The following ZSWIM6 variants were observed in gnomAD, a reference collection of about 807,000 sequenced individuals.
The protein encoded by ZSWIM6 is zinc finger SWIM domain-containing protein 6.
A neutral mutation model predicts 113.2 loss-of-function variants in ZSWIM6; 9 were observed. The observed-to-expected ratio is 0.08, with a 90% confidence interval of 0.05 to 0.14. The LOEUF (loss-of-function observed/expected upper bound fraction) is 0.14. Among genes scored for constraint, ZSWIM6 ranks in the 10% least tolerant of loss-of-function variants. The probability of loss-of-function intolerance (pLI) is 1.00; values close to 1 mark genes in which losing one functional copy is unlikely to be tolerated. For missense variants in ZSWIM6, 1,162 were observed against 1,552.2 expected, an observed-to-expected ratio of 0.75 and a Z score of 4.22; for synonymous variants, 611 against 606.5, an observed-to-expected ratio of 1.01 and a Z score of -0.11.
intron 4 of ZSWIM6, among the ~76,000 whole-genome samples, chr5:61,519,536 G>T (rs1011417714): frequency 3.3e-5 from 5 of 151,744 alleles, no homozygotes; most frequent in Non-Finnish European, 4.4e-5. Flanking sequence ...GAATCCTCAG[G>T]TTATTAGTTT....
intron 1 of ZSWIM6, among the ~76,000 whole-genome samples, chr5:61,461,146 T>C (rs913273371): frequency 1.5e-4 from 23 of 152,196 alleles, no homozygotes; most frequent in African/African-American, 5.1e-4. Context: ...GCTATTGTCA[T>C]ATTTATCCTT....
intron 10 of ZSWIM6, among the ~76,000 whole-genome samples, chr5:61,537,860 C>A (rs994757644): frequency 5.9e-5 from 9 of 152,236 alleles, no homozygotes; most frequent in African/African-American, 2.2e-4. Context: ...GCTTTAGGTA[C>A]TCTACTAAGC....
At chr5:61,385,198 G>T (rs564724140) in intron 1 of ZSWIM6, among the ~76,000 whole-genome samples, 1 of 152,160 alleles carries the variant, frequency 6.6e-6, no homozygotes, top group Non-Finnish European at 1.5e-5. Flanking sequence ...CACAAATACT[G>T]GTTAATGGTG....
At chr5:61,491,058 C>A in intron 3 of ZSWIM6, 124 bp downstream of exon 3, 1 of 856,222 alleles carries the variant, frequency 1.2e-6, no homozygotes, top group Non-Finnish European at 1.6e-6. Flanking sequence ...CTTAGCTGAC[C>A]AATAGAAACT....
chr5:61,381,177 C>T (rs752231303), intron 1 of ZSWIM6, among the ~76,000 whole-genome samples: 31 of 152,098 alleles, frequency 2.0e-4, no homozygotes, highest in African/African-American at 5.6e-4. Flanking sequence ...CACTTGAATC[C>T]GGGAGGTAGA....
chr5:61,339,189 C>T (rs906677117), intron 1 of ZSWIM6, among the ~76,000 whole-genome samples: 1 of 152,136 alleles, frequency 6.6e-6, no homozygotes, highest in Non-Finnish European at 1.5e-5. Flanking sequence ...AGAGTTGTCC[C>T]TTTGAAAAAT....
chr5:61,530,019 T>G, intron 7 of ZSWIM6, 33 bp from the exon 8 acceptor site: 1 of 1,517,320 alleles, frequency 6.6e-7, no homozygotes, highest in Non-Finnish European at 8.9e-7. Flanking sequence ...TCCCTTCTAC[T>G]CCCCCATTTC....
At chr5:61,457,561 G>C (rs1333895168) in intron 1 of ZSWIM6, among the ~76,000 whole-genome samples, 1 of 151,644 alleles carries the variant, frequency 6.6e-6, no homozygotes, top group African/African-American at 2.4e-5. Flanking sequence ...CACTCTTGTT[G>C]CCCAGGCTGG....
intron 2 of ZSWIM6, among the ~76,000 whole-genome samples, chr5:61,484,378 T>G (rs1303099296): frequency 6.6e-6 from 1 of 152,200 alleles, no homozygotes; most frequent in Non-Finnish European, 1.5e-5. Flanking sequence ...ACTGTATTAT[T>G]TAGCTCAGTT....
chr5:61,393,819 G>A (rs1745781885), intron 1 of ZSWIM6, among the ~76,000 whole-genome samples: 1 of 152,028 alleles, frequency 6.6e-6, no homozygotes, highest in African/African-American at 2.4e-5. Flanking sequence ...TAGACTTGAG[G>A]GTTCTTGGGT....
intron 1 of ZSWIM6, among the ~76,000 whole-genome samples, chr5:61,364,520 T>C (rs1745111723): frequency 6.6e-6 from 1 of 152,216 alleles, no homozygotes; most frequent in African/African-American, 2.4e-5. Context: ...AAATAAAGCC[T>C]TATTGTAACA....
intron 1 of ZSWIM6, among the ~76,000 whole-genome samples, chr5:61,441,518 T>C (rs554957025): frequency 5.3e-5 from 8 of 152,308 alleles, no homozygotes; most frequent in Admixed American, 2.0e-4. Context: ...TGAATATTAC[T>C]ATCAGAAATA....
intron 1 of ZSWIM6, among the ~76,000 whole-genome samples, chr5:61,396,227 T>G (rs1247160284): frequency 6.6e-6 from 1 of 152,188 alleles, no homozygotes; most frequent in African/African-American, 2.4e-5. Context: ...CCATGCATAT[T>G]TATTTTGAGA....
intron 1 of ZSWIM6, among the ~76,000 whole-genome samples, chr5:61,406,806 G>A (rs1746051844): frequency 6.6e-6 from 1 of 151,814 alleles, no homozygotes; most frequent in African/African-American, 2.4e-5. Context: ...TCTGCCTCCC[G>A]GGTTCAAGCG....
At chr5:61,341,650 A>T (rs988804995) in intron 1 of ZSWIM6, among the ~76,000 whole-genome samples, 2 of 152,214 alleles carry the variant, frequency 1.3e-5, no homozygotes, top group African/African-American at 4.8e-5. Flanking sequence ...GCTGATACAG[A>T]ACAACAGAAG....
intron 4 of ZSWIM6, among the ~76,000 whole-genome samples, chr5:61,502,597 G>A (rs1748502734): frequency 6.6e-6 from 1 of 152,174 alleles, no homozygotes; most frequent in South Asian, 2.1e-4. Flanking sequence ...CTTTTAATAG[G>A]TACTCTTGTT....
intron 1 of ZSWIM6, among the ~76,000 whole-genome samples, chr5:61,421,542 CTCATG>C (rs1255385655): frequency 7.2e-5 from 11 of 152,064 alleles, no homozygotes; most frequent in African/African-American, 2.7e-4. Context: ...CATAGGTAAA[CTCATG>C]TCATGGGGGT....
intron 1 of ZSWIM6, among the ~76,000 whole-genome samples, chr5:61,432,776 G>A (rs1422629764): frequency 6.6e-6 from 1 of 152,272 alleles, no homozygotes; most frequent in South Asian, 2.1e-4. Flanking sequence ...GTAGATAAAA[G>A]ATTTTAGTTT....
intron 1 of ZSWIM6, among the ~76,000 whole-genome samples, chr5:61,422,456 T>C (rs1208483819): frequency 1.3e-5 from 2 of 152,216 alleles, no homozygotes; most frequent in African/African-American, 4.8e-5. Flanking sequence ...CTGTACTGTT[T>C]TGGTTACTAT....
Sources: gnomAD v4.1 joint callset for allele counts (sites outside exome capture counted in the v4.1 genomes callset) on GRCh38, gnomAD v4.1.1 for gene constraint, MANE v1.5 for transcripts, NCBI Gene and HGNC (gene_info 2026-07-23, HGNC 2026-07-21) for gene names.